DRD2: variants seen among roughly 807,000 people sequenced by gnomAD.
DRD2 encodes the protein dopamine receptor D2.
A neutral mutation model predicts 38.0 loss-of-function variants in DRD2; 8 were observed. That is an observed-to-expected ratio of 0.21 (90% confidence interval 0.12 to 0.38). The LOEUF (loss-of-function observed/expected upper bound fraction) is 0.38, where lower values mean the gene tolerates loss of function less well. DRD2 is among the 10% of genes least tolerant of loss of function. DRD2 has a pLI of 1.00. For missense variants in DRD2, 403 were observed against 607.7 expected (o/e 0.66, Z 3.54); for synonymous variants, 230 against 238.6 (o/e 0.96, Z 0.33).
intron 1 of DRD2, among the ~76,000 whole-genome samples, chr11:113,426,521 A>G (rs910447919): frequency 2.6e-5 from 4 of 152,218 alleles, no homozygotes; most frequent in Admixed American, 2.0e-4. Context: ...GAAAACCACC[A>G]ATTGATGCCA....
At chr11:113,459,596 T>C (rs1184732665) in intron 1 of DRD2, among the ~76,000 whole-genome samples, 1 of 151,972 alleles carries the variant, frequency 6.6e-6, no homozygotes, top group Non-Finnish European at 1.5e-5. Flanking sequence ...AAAAGGTGGA[T>C]CTCCTGGAGG....
At chr11:113,443,743 A>C (rs1951114430) in intron 1 of DRD2, among the ~76,000 whole-genome samples, 1 of 152,244 alleles carries the variant, frequency 6.6e-6, no homozygotes, top group Admixed American at 6.5e-5. Flanking sequence ...ATGCCAAGTC[A>C]AAATATTGAT....
chr11:113,456,836 A>T (rs1344944099), intron 1 of DRD2, among the ~76,000 whole-genome samples: 1 of 152,194 alleles, frequency 6.6e-6, no homozygotes, highest in African/African-American at 2.4e-5. Context: ...AATAACATAA[A>T]TATTCTTAAC....
chr11:113,454,153 C>A (rs1951244180), intron 1 of DRD2, among the ~76,000 whole-genome samples: 2 of 152,074 alleles, frequency 1.3e-5, no homozygotes, highest in African/African-American at 4.8e-5. Context: ...TCATTAAATG[C>A]TTCAAATTAG....
intron 1 of DRD2, among the ~76,000 whole-genome samples, chr11:113,436,786 C>T (rs1478424266): frequency 6.6e-6 from 1 of 152,202 alleles, no homozygotes; most frequent in Non-Finnish European, 1.5e-5. Context: ...TTAACCCTCA[C>T]CCCAGCGCCC....
intron 3 of DRD2, among the ~76,000 whole-genome samples, chr11:113,417,662 G>A (rs74909998): frequency 0.014 from 2,114 of 152,294 alleles, 58 homozygotes; most frequent in African/African-American, 0.048. Context: ...TGTCATCAAT[G>A]TAGGTTTCTA....
intron 1 of DRD2, among the ~76,000 whole-genome samples, chr11:113,439,874 A>T (rs867409455): frequency 2.2e-4 from 30 of 139,242 alleles, no homozygotes; most frequent in African/African-American, 5.9e-4. Flanking sequence ...AAAAAAAAAA[A>T]GCTAAGAGTA....
At chr11:113,418,245 G>A in intron 2 of DRD2, 109 bp from the exon 3 acceptor site, 2 of 899,336 alleles carry the variant, frequency 2.2e-6, no homozygotes, top group South Asian at 1.4e-5. Context: ...GGAGGCAGCT[G>A]CAAGTCTTGT....
chr11:113,411,276 C>T (rs1950767158), intron 7 of DRD2, among the ~76,000 whole-genome samples: 1 of 152,150 alleles, frequency 6.6e-6, no homozygotes, highest in Admixed American at 6.5e-5. Flanking sequence ...AGACCCATGC[C>T]ACTTAGTTCT....
intron 1 of DRD2, among the ~76,000 whole-genome samples, chr11:113,437,218 C>G (rs1246487612): frequency 6.6e-6 from 1 of 152,176 alleles, no homozygotes; most frequent in Non-Finnish European, 1.5e-5. Context: ...ATATGATCCC[C>G]ATGCTACAGA....
chr11:113,463,410 G>T (rs1951341029), intron 1 of DRD2, among the ~76,000 whole-genome samples: 1 of 152,178 alleles, frequency 6.6e-6, no homozygotes, highest in African/African-American at 2.4e-5. Context: ...TCTGGGACTG[G>T]TCTGCTTCCA....
intron 1 of DRD2, among the ~76,000 whole-genome samples, chr11:113,429,399 C>T (rs559745613): frequency 6.6e-6 from 1 of 152,186 alleles, no homozygotes; most frequent in Non-Finnish European, 1.5e-5. Flanking sequence ...TGCCCGCCAC[C>T]ATGTCCAGCT....
chr11:113,431,297 C>A (rs1035309095), intron 1 of DRD2, among the ~76,000 whole-genome samples: 4 of 152,218 alleles, frequency 2.6e-5, no homozygotes, highest in African/African-American at 7.2e-5. Flanking sequence ...CCCTAAGGCA[C>A]CTTTCTGTGC....
chr11:113,447,177 G>A (rs1428571993), intron 1 of DRD2, among the ~76,000 whole-genome samples: 2 of 152,166 alleles, frequency 1.3e-5, no homozygotes, highest in East Asian at 1.9e-4. Context: ...GGGGCCTGGG[G>A]TAAAGTCGGG....
At chr11:113,458,503 T>C (rs1232956991) in intron 1 of DRD2, among the ~76,000 whole-genome samples, 2 of 152,232 alleles carry the variant, frequency 1.3e-5, no homozygotes, top group African/African-American at 2.4e-5. Flanking sequence ...CATGTGGATA[T>C]ACTCCTTCCT....
intron 1 of DRD2, among the ~76,000 whole-genome samples, chr11:113,452,647 CT>C (rs36152573): frequency 0.39 from 53,210 of 137,990 alleles, 10,559 homozygotes; most frequent in South Asian, 0.51. Context: ...CAGTCCCCAT[CT>C]TTTTTTTTTT....
At chr11:113,470,349 C>T (rs767266655) in intron 1 of DRD2, among the ~76,000 whole-genome samples, 1 of 152,136 alleles carries the variant, frequency 6.6e-6, no homozygotes, top group African/African-American at 2.4e-5. Context: ...AGGGGATTAT[C>T]GTTGGGGCCA....
chr11:113,441,689 G>T (rs546131457), intron 1 of DRD2, among the ~76,000 whole-genome samples: 4 of 152,224 alleles, frequency 2.6e-5, no homozygotes, highest in African/African-American at 7.2e-5. Flanking sequence ...CACACTCCAA[G>T]GATGGAAAAA....
intron 1 of DRD2, among the ~76,000 whole-genome samples, chr11:113,472,591 C>T (rs1951439975): frequency 1.3e-5 from 2 of 152,158 alleles, no homozygotes; most frequent in South Asian, 2.1e-4. Flanking sequence ...CCCTACAAGC[C>T]TCCTTGCTTA....
Sources: gnomAD v4.1 joint callset for allele counts (sites outside exome capture counted in the v4.1 genomes callset) on GRCh38, gnomAD v4.1.1 for gene constraint, MANE v1.5 for transcripts, NCBI Gene and HGNC (gene_info 2026-07-23, HGNC 2026-07-21) for gene names.